Variants in COL22A1 observed in about 807,000 individuals in gnomAD.
The protein encoded by COL22A1 is collagen alpha-1(XXII) chain.
A neutral mutation model predicts 248.9 loss-of-function variants in COL22A1; 221 were observed. The observed-to-expected ratio is 0.89, with a 90% confidence interval of 0.80 to 0.99. The LOEUF is 0.99. Ranked by LOEUF, COL22A1 falls within the 50% of genes least tolerant of loss-of-function variation. The pLI is 0.00. For missense variants in COL22A1, 2,240 were observed against 2,179.0 expected (o/e 1.03, Z -0.56); for synonymous variants, 891 against 793.4 (o/e 1.12, Z -2.07).
chr8:138,827,098 C>T (rs767101332), intron 5 of COL22A1: 13 of 328,956 alleles, frequency 4.0e-5, no homozygotes, highest in Admixed American at 2.3e-4. Context: ...GTCACGCCCC[C>T]GGGATCAAAT....
intron 60 of COL22A1, among the ~76,000 whole-genome samples, chr8:138,600,518 C>G (rs577777718): frequency 6.6e-6 from 1 of 152,260 alleles, no homozygotes; most frequent in East Asian, 1.9e-4. Flanking sequence ...ATTTATAACA[C>G]ACACCACACA....
chr8:138,883,242 G>T lies in COL22A1; in HGVS notation c.-70C>A. The T allele has an allele frequency of 7.0e-7, 1 of 1,435,046 alleles. No individual in the cohort carries two copies. The allele number at this position is 1,435,046 out of a possible 1,614,324, so 88.9% of individuals were successfully genotyped here. A position where few individuals can be genotyped will look rare whatever the true frequency, so the allele number is the denominator to read the frequency against. On this transcript the variant is annotated splice_region_variant and 5_prime_UTR_variant, in exon 2 of 65. Coordinates refer to ENST00000303045, the MANE Select transcript of COL22A1 (RefSeq NM_152888.3). ...ACGCTGTTAGGGTCTACAGCAGCAT[G>T]GCCTGTGTGGAGAAAGACACCCTTA...
chr8:138,684,463 G>T lies in COL22A1; in HGVS notation c.2974C>A (p.Arg992Ser), dbSNP rs563073026. Residue 992 changes from arginine to serine, a missense_variant, in exon 39 of 65, where the codon CGT (arginine) becomes AGT (serine). By Grantham distance (110) the Arg-to-Ser change is moderately radical. Transcript: ENST00000303045. ...GGTCCAGGGAGTCCAGGTGATCCAC[G>T]GAGTCCCTGGAGAAATAAATAATAC... ...GKGKDGEPGLRGSPGLPGPLG... is the reference protein window; with the variant it reads ...GKGKDGEPGLSGSPGLPGPLG... The T allele has an allele frequency of 3.1e-6, 5 of 1,608,814 alleles. No homozygotes were observed. The highest frequency in any genetic ancestry group is 4.3e-6 in the Non-Finnish European group (5 of 1,175,294).
intron 41 of COL22A1, among the ~76,000 whole-genome samples, chr8:138,666,116 C>CT (rs1040761490): frequency 6.6e-6 from 1 of 152,138 alleles, no homozygotes; most frequent in African/African-American, 2.4e-5. Flanking sequence ...TGAAATTATT[C>CT]TTTTTTTCCT....
chr8:138,732,710 CAAGT>C (rs1830800969), intron 23 of COL22A1, among the ~76,000 whole-genome samples: 1 of 152,108 alleles, frequency 6.6e-6, no homozygotes, highest in Non-Finnish European at 1.5e-5. Context: ...GTAATGAAAA[CAAGT>C]AATTAACCAC....
intron 10 of COL22A1, among the ~76,000 whole-genome samples, 179 bp downstream of exon 10, chr8:138,807,589 T>C (rs985281476): frequency 6.6e-6 from 1 of 152,166 alleles, no homozygotes; most frequent in Non-Finnish European, 1.5e-5. Flanking sequence ...TCTGGGCAGT[T>C]AAGAGGCTCC....
intron 44 of COL22A1, among the ~76,000 whole-genome samples, chr8:138,657,837 T>C (rs1823423903): frequency 6.6e-6 from 1 of 152,210 alleles, no homozygotes; most frequent in African/African-American, 2.4e-5. Context: ...AACTGACTGA[T>C]GGCAGGGTGA....
chr8:138,791,565 G>A (rs144031105), intron 12 of COL22A1, among the ~76,000 whole-genome samples: 1 of 152,288 alleles, frequency 6.6e-6, no homozygotes, highest in East Asian at 1.9e-4. Context: ...CCTCCATTTG[G>A]TAATTAGCTT....
At chr8:138,739,353 C>T (rs534210248) in intron 22 of COL22A1, among the ~76,000 whole-genome samples, 1 of 152,264 alleles carries the variant, frequency 6.6e-6, no homozygotes, top group East Asian at 1.9e-4. Flanking sequence ...TGGGTTTGTT[C>T]CCCAGGTATC....
intron 24 of COL22A1, 99 bp downstream of exon 24, chr8:138,725,288 G>C (rs2131169250): frequency 8.0e-7 from 1 of 1,243,714 alleles, no homozygotes; most frequent in East Asian, 2.3e-5. Flanking sequence ...GACTTGGGTG[G>C]ATAAAAGACA....
intron 60 of COL22A1, among the ~76,000 whole-genome samples, chr8:138,600,469 C>T (rs1817909041): frequency 6.6e-6 from 1 of 152,134 alleles, no homozygotes; most frequent in African/African-American, 2.4e-5. Flanking sequence ...GTCTGACATG[C>T]TCAGAGTGGG....
intron 7 of COL22A1, among the ~76,000 whole-genome samples, chr8:138,820,681 C>T (rs1394544396): frequency 6.6e-6 from 1 of 152,082 alleles, no homozygotes; most frequent in Non-Finnish European, 1.5e-5. Context: ...TTATCAGAAA[C>T]TATTATATAC....
chr8:138,691,440 GGTGT>G (rs541084540), intron 35 of COL22A1, among the ~76,000 whole-genome samples: 14 of 149,262 alleles, frequency 9.4e-5, no homozygotes, highest in South Asian at 2.1e-4. Context: ...CGTTTGTGAA[GGTGT>G]GTGTATGTGT....
chr8:138,865,388 G>T (rs1313667323), intron 3 of COL22A1, among the ~76,000 whole-genome samples: 3 of 152,074 alleles, frequency 2.0e-5, no homozygotes, highest in Non-Finnish European at 2.9e-5. Flanking sequence ...CTGTGTGTGA[G>T]TGTATGTGTG....
At chr8:138,836,923 C>G (rs556394677) in intron 4 of COL22A1, among the ~76,000 whole-genome samples, 104 of 152,274 alleles carry the variant, frequency 6.8e-4, no homozygotes, top group African/African-American at 2.5e-3. Flanking sequence ...GGTAAAGGTA[C>G]GATGCACACT....
chr8:138,616,777 C>T (rs892807092), intron 54 of COL22A1, 137 bp downstream of exon 54: 21 of 940,258 alleles, frequency 2.2e-5, no homozygotes, highest in African/African-American at 1.1e-4. Context: ...CCTGTGCTGG[C>T]TTGCTCCATG....
chr8:138,898,667 C>G (rs1814307691), intron 1 of COL22A1, among the ~76,000 whole-genome samples: 1 of 152,150 alleles, frequency 6.6e-6, no homozygotes, highest in African/African-American at 2.4e-5. Context: ...TACCCTGAGG[C>G]CCCTGAAGAC....
chr8:138,756,795 C>T (rs1350784477), intron 18 of COL22A1, among the ~76,000 whole-genome samples: 1 of 152,148 alleles, frequency 6.6e-6, no homozygotes, highest in Non-Finnish European at 1.5e-5. Flanking sequence ...AAAATGGATA[C>T]ATTTACAATG....
chr8:138,905,069 T>C (rs927894558), intron 1 of COL22A1, among the ~76,000 whole-genome samples: 6 of 152,154 alleles, frequency 3.9e-5, no homozygotes, highest in Non-Finnish European at 5.9e-5. Flanking sequence ...AAAATACATA[T>C]CAACAGATAG....
Sources: allele counts gnomAD v4.1 joint callset (sites outside exome capture counted in the v4.1 genomes callset), GRCh38; gene constraint gnomAD v4.1.1; transcripts MANE v1.5; gene names NCBI Gene and HGNC (gene_info 2026-07-23, HGNC 2026-07-21).